Variants in SLC36A1 observed in about 807,000 individuals in gnomAD.
The protein encoded by SLC36A1 is proton-coupled amino acid transporter 1.
A neutral mutation model predicts 47.5 loss-of-function variants in SLC36A1; 30 were observed. The observed-to-expected ratio is 0.63, with a 90% CI of 0.47 to 0.86. The LOEUF is 0.86. Ranked by LOEUF, SLC36A1 falls within the 40% of genes least tolerant of loss-of-function variation. The probability of loss-of-function intolerance (pLI) is 0.00; values close to 1 mark genes in which losing one functional copy is unlikely to be tolerated. For synonymous variants in SLC36A1, 255 were observed against 249.7 expected (o/e 1.02, Z -0.20); for missense variants, 517 against 606.0 (o/e 0.85, Z 1.54).
the SLC36A1 span, among the ~76,000 whole-genome samples, chr5:151,393,649 C>G: frequency 6.6e-6 from 1 of 152,072 alleles, no homozygotes; most frequent in South Asian, 2.1e-4. Context: ...TTTTATTTCT[C>G]CTTCACTTAT....
upstream of SLC36A1, among the ~76,000 whole-genome samples, chr5:151,435,955 G>A (rs1331083612): frequency 6.6e-6 from 1 of 151,894 alleles, no homozygotes; most frequent in Admixed American, 6.6e-5. Flanking sequence ...GATTTAGCAG[G>A]CAAATTTTAC....
At chr5:151,537,972 G>T in the SLC36A1 span, 1 of 1,608,944 alleles carries the variant, frequency 6.2e-7, no homozygotes. Context: ...CAAAGAAGAG[G>T]GAGACTGTGG....
At chr5:151,442,379 T>A (rs563694678) in intron 1 of SLC36A1, among the ~76,000 whole-genome samples, 1 of 152,314 alleles carries the variant, frequency 6.6e-6, no homozygotes, top group East Asian at 1.9e-4. Flanking sequence ...TTTAAAAAGT[T>A]ATTTTTAATT....
the SLC36A1 span, among the ~76,000 whole-genome samples, chr5:151,429,268 T>C: frequency 2.0e-5 from 3 of 152,058 alleles, no homozygotes; most frequent in Non-Finnish European, 4.4e-5. Context: ...TACATATGTA[T>C]ACATGTGCCA....
rs1760140640 is a variant in SLC36A1 at position 151,491,762 on chromosome 5, T to G, written c.*3508T>G. On this transcript the variant is annotated 3_prime_UTR_variant, in exon 11 of 11. Coordinates refer to ENST00000243389, the MANE Select transcript of SLC36A1 (RefSeq NM_078483.4). ...GCTTCCTCGAAGAGAAGACACAGAG[T>G]CCAAGTGGCAGGACTTGAGGTTGGC... 1 of 152,566 alleles carries G rather than the reference T, an allele frequency of 6.6e-6. No homozygotes were observed. The highest frequency in any genetic ancestry group is 2.1e-4 in the South Asian group (1 of 4,824). The allele number at this position is 152,566 out of a possible 1,614,324, so 9.5% of individuals were successfully genotyped here.
the SLC36A1 span, among the ~76,000 whole-genome samples, chr5:151,399,065 A>AATATATATATATATATATATAT: frequency 3.2e-4 from 21 of 66,604 alleles, no homozygotes; most frequent in Non-Finnish European, 4.3e-4. Flanking sequence ...TGTGTGTGTA[A>AATATATATATATATATATATAT]ATATATATAT....
the SLC36A1 span, among the ~76,000 whole-genome samples, chr5:151,536,100 A>G: frequency 6.6e-6 from 1 of 152,192 alleles, no homozygotes; most frequent in African/African-American, 2.4e-5. Flanking sequence ...CAGATAGAAT[A>G]TATACCAAGA....
chr5:151,416,803 C>T, the SLC36A1 span, among the ~76,000 whole-genome samples: 2 of 152,172 alleles, frequency 1.3e-5, no homozygotes, highest in Non-Finnish European at 2.9e-5. Flanking sequence ...GAATTGTAAA[C>T]CCCAAAATCT....
In SLC36A1 at chr5:151,488,006, C is replaced by G. The variant is rs191784469; in HGVS notation, c.1183C>G (p.Arg395Gly). 4.4e-5 allele frequency: 71 copies of G among 1,614,120 alleles called. 1 individual carries two copies. The East Asian group carries it at 1.6e-3, about 35-fold the overall frequency. The change falls in exon 11 of 11, where the codon CGC becomes GGC. Residue 395 changes from arginine to glycine, a missense_variant. Coordinates refer to ENST00000243389, the MANE Select transcript of SLC36A1 (RefSeq NM_078483.4). ...LTCILAILIPRLDLVISLVGS... is the reference protein window; with the variant it reads ...LTCILAILIPGLDLVISLVGS... ...AGGCATCTTGGCCATCCTCATCCCC[C>G]GCCTGGACCTGGTCATCTCCCTGGT...
At chr5:151,534,394 CCTT>C in the SLC36A1 span, 1 of 1,587,248 alleles carries the variant, frequency 6.3e-7, no homozygotes, top group Non-Finnish European at 8.6e-7. Context: ...TGGCCTCAAT[CCTT>C]CTCAGACTCA....
chr5:151,406,899 C>G, the SLC36A1 span, among the ~76,000 whole-genome samples: 2 of 152,106 alleles, frequency 1.3e-5, no homozygotes, highest in African/African-American at 4.8e-5. Context: ...GATGGTGTGT[C>G]CGGAGTTTGT....
the SLC36A1 span, chr5:151,521,225 C>G: frequency 1.3e-6 from 2 of 1,526,860 alleles, no homozygotes; most frequent in Non-Finnish European, 1.8e-6. Context: ...TAGAGTCAGG[C>G]GGGCTGAGCC....
At chr5:151,519,942 C>T in the SLC36A1 span, among the ~76,000 whole-genome samples, 1 of 152,182 alleles carries the variant, frequency 6.6e-6, no homozygotes, top group African/African-American at 2.4e-5. Context: ...AAATCACGCT[C>T]TCCAGTAGAC....
At chr5:151,420,912 C>A in the SLC36A1 span, among the ~76,000 whole-genome samples, 2 of 148,716 alleles carry the variant, frequency 1.3e-5, no homozygotes, top group Non-Finnish European at 3.0e-5. Flanking sequence ...GCTCTGTTGC[C>A]CAGGCTGGAG....
chr5:151,471,348 C>T (rs1757287604), intron 7 of SLC36A1, among the ~76,000 whole-genome samples: 1 of 152,162 alleles, frequency 6.6e-6, no homozygotes, highest in Non-Finnish European at 1.5e-5. Flanking sequence ...TTAAACTTTT[C>T]TCATTTAGTT....
chr5:151,438,910 A>G (rs1759939024), intron 1 of SLC36A1, among the ~76,000 whole-genome samples: 1 of 152,208 alleles, frequency 6.6e-6, no homozygotes, highest in Non-Finnish European at 1.5e-5. Flanking sequence ...TACCACAAAA[A>G]TACTATTGAT....
chr5:151,416,773 C>T, the SLC36A1 span, among the ~76,000 whole-genome samples: 2 of 152,168 alleles, frequency 1.3e-5, no homozygotes, highest in African/African-American at 2.4e-5. Flanking sequence ...GATTTTGTGT[C>T]TCCACCCAAA....
At chr5:151,431,570 A>G in the SLC36A1 span, among the ~76,000 whole-genome samples, 2 of 152,154 alleles carry the variant, frequency 1.3e-5, no homozygotes, top group African/African-American at 2.4e-5. Context: ...GGACCCGGTG[A>G]TAGGTAATTG....
At chr5:151,486,574 T>C (rs531910616) in intron 10 of SLC36A1, among the ~76,000 whole-genome samples, 1 of 152,364 alleles carries the variant, frequency 6.6e-6, no homozygotes, top group Non-Finnish European at 1.5e-5. Flanking sequence ...GATGTAGACA[T>C]TGGCTGCCTT....
Sources: allele counts gnomAD v4.1 joint callset (sites outside exome capture counted in the v4.1 genomes callset), GRCh38; gene constraint gnomAD v4.1.1; transcripts MANE v1.5; gene names NCBI Gene and HGNC (gene_info 2026-07-23, HGNC 2026-07-21).